The following LYZL1 variants were observed in gnomAD, a reference collection of about 807,000 sequenced individuals.
LYZL1 encodes lysozyme-like protein 1.
A neutral mutation model predicts 17.9 loss-of-function variants in LYZL1; 16 were observed. The observed-to-expected ratio is 0.90, with a 90% confidence interval of 0.61 to 1.36. The LOEUF (loss-of-function observed/expected upper bound fraction) is 1.36. Among genes scored for constraint, LYZL1 ranks in the 40% most tolerant of loss-of-function variants. The pLI is 0.00. For missense variants in LYZL1, 149 were observed against 188.4 expected, an observed-to-expected ratio of 0.79 and a Z score of 1.22; for synonymous variants, 58 against 71.8, an observed-to-expected ratio of 0.81 and a Z score of 0.97.
At chr10:29,291,219 C>A (rs1835360766) in intron 1 of LYZL1, among the ~76,000 whole-genome samples, 1 of 152,182 alleles carries the variant, frequency 6.6e-6, no homozygotes, top group African/African-American at 2.4e-5. Flanking sequence ...TCTATGTCTT[C>A]TGTACTGGAT....
Position 29,311,177 on chromosome 10 carries a change from G to A in LYZL1, c.*118G>A, listed in dbSNP as rs1253683707. On this transcript the variant is annotated 3_prime_UTR_variant, in exon 5 of 5. Transcript: ENST00000649382. ...ATATTCCTTCTCAAACTTGGAGAGGGAAAATTAAGCTATACTTTTAAGAAA... is the reference window on the plus strand; with the variant it reads ...ATATTCCTTCTCAAACTTGGAGAGGAAAAATTAAGCTATACTTTTAAGAAA... The A allele has an allele frequency of 7.5e-6, 12 of 1,601,710 alleles. No homozygotes were observed. In the East Asian group the frequency reaches 8.9e-5, roughly 12 times the overall value.
intron 3 of LYZL1, among the ~76,000 whole-genome samples, chr10:29,300,207 T>C (rs1267552082): frequency 1.3e-5 from 2 of 151,486 alleles, no homozygotes; most frequent in African/African-American, 4.9e-5. Flanking sequence ...ATGCCATCTA[T>C]TCTTGGTTCC....
chr10:29,311,960 A>G (rs11007521), downstream of LYZL1, among the ~76,000 whole-genome samples: 47,474 of 151,502 alleles, frequency 0.31, 8,824 homozygotes, highest in East Asian at 0.58. Context: ...CTCTGTCAAG[A>G]AAGGGAAGGG....
At position 29,310,134 on chromosome 10, in the gene LYZL1, A is replaced by T. The variant is rs1835650829; in HGVS notation, c.323A>T (p.Asp108Val). The change falls in exon 4 of 5, where the codon GAT (aspartate) becomes GTT (valine). Residue 108 changes from aspartate (D) to valine (V), a missense_variant. Around this residue, in one of 2 missense-constraint regions of LYZL1, gnomAD observed 130 missense variants for 132.5 expected, o/e 0.98. Coordinates refer to ENST00000649382, the MANE Select transcript of LYZL1 (RefSeq NM_032517.6). The part of the protein sequence containing the change: ...CSALITDDLT[D>V]AIICARKIVK... ...GCCTTGATCACTGATGACCTCACAG[A>T]TGCAATTATCTGTGCCAGGAAAATT... is the stretch of plus-strand genomic sequence containing the variant. The T allele has an allele frequency of 6.2e-7, 1 of 1,612,358 alleles. No individual in the cohort carries two copies. The highest frequency in any genetic ancestry group is 8.5e-7 in the Non-Finnish European group (1 of 1,178,448).
chr10:29,310,183 C>G lies in LYZL1; in HGVS notation c.372C>G (p.Asn124Lys), dbSNP rs368386775. The change falls in exon 4 of 5, where the codon AAC becomes AAG. Residue 124 changes from asparagine (N) to lysine (K), a missense_variant. Asn to Lys is a moderately conservative substitution (Grantham distance 94, BLOSUM62 0). Transcript: ENST00000649382. ...RKIVKETQGM[N>K]YWQGWKKHCE... ...TTGTTAAAGAGACACAAGGAATGAA[C>G]TATTGGTAAGAGTGTTTTCTTGGGA... is the stretch of plus-strand genomic sequence containing the variant. 49 of 1,603,928 alleles carry G rather than the reference C, an allele frequency of 3.1e-5. No homozygotes were observed. Among genetic ancestry groups the G allele is most frequent in the Non-Finnish European group, 4.2e-5 (49 of 1,171,046 alleles).
chr10:29,302,684 A>T (rs1291320487), intron 3 of LYZL1, among the ~76,000 whole-genome samples: 3 of 152,150 alleles, frequency 2.0e-5, no homozygotes, highest in Non-Finnish European at 4.4e-5. Context: ...CCTTCTGGAG[A>T]CAGCTTTGTT....
chr10:29,297,240 T>C (rs1436075704), intron 3 of LYZL1, among the ~76,000 whole-genome samples: 2 of 151,290 alleles, frequency 1.3e-5, no homozygotes, highest in East Asian at 1.9e-4. Context: ...AAAAAAGAGA[T>C]GAGTGAAAAA....
intron 4 of LYZL1, 82 bp downstream of exon 4, chr10:29,310,270 C>A: frequency 1.8e-6 from 2 of 1,081,226 alleles, no homozygotes; most frequent in Non-Finnish European, 1.4e-6. Flanking sequence ...GTGGAATTGA[C>A]AAACTCACCT....
intron 3 of LYZL1, among the ~76,000 whole-genome samples, chr10:29,302,122 C>T (rs79862109): frequency 1.8e-3 from 277 of 152,234 alleles, no homozygotes; most frequent in African/African-American, 6.2e-3. Context: ...CTGGGTCTTG[C>T]CCTTGACTGA....
downstream of LYZL1, among the ~76,000 whole-genome samples, chr10:29,312,301 A>C (rs529661043): frequency 4.0e-4 from 61 of 152,236 alleles, no homozygotes; most frequent in Admixed American, 1.2e-3. Context: ...CCCATGGCCT[A>C]TGAGCTGCAT....
chr10:29,302,411 GC>G (rs1252551757), intron 3 of LYZL1, among the ~76,000 whole-genome samples: 1 of 143,758 alleles, frequency 7.0e-6, no homozygotes, highest in Admixed American at 7.3e-5. Flanking sequence ...GACATCAAAG[GC>G]CGGCACGAGG....
chr10:29,290,531 C>T (rs1835348383), intron 1 of LYZL1, among the ~76,000 whole-genome samples: 1 of 152,136 alleles, frequency 6.6e-6, no homozygotes, highest in Non-Finnish European at 1.5e-5. Flanking sequence ...AATGCATTTG[C>T]AATCTAAGAT....
In LYZL1 at chr10:29,302,774, A is replaced by T. The variant is rs187815226; in HGVS notation, c.299-7336A>T. On this transcript the variant is annotated intron_variant, in intron 3 of 4. Coordinates refer to ENST00000649382, the MANE Select transcript of LYZL1 (RefSeq NM_032517.6). ...TCACCATAGTTGCCGTACCCCGCGG[A>T]CACAGTTGCTTCCTTGCCTACCTAT... is the stretch of plus-strand genomic sequence containing the variant. Among the ~76,000 whole-genome samples, 240 of 152,274 alleles carry T rather than the reference A, an allele frequency of 1.6e-3. 3 individuals are homozygous for T. The highest frequency in any genetic ancestry group is 0.01 in the Middle Eastern group (3 of 294).
downstream of LYZL1, among the ~76,000 whole-genome samples, chr10:29,312,438 T>A (rs1013066519): frequency 1.3e-5 from 2 of 152,136 alleles, no homozygotes; most frequent in Non-Finnish European, 2.9e-5. Context: ...ATTTTATGTG[T>A]GGCCCAAGAC....
chr10:29,308,288 C>T (rs1442527229), intron 3 of LYZL1, among the ~76,000 whole-genome samples: 6 of 152,188 alleles, frequency 3.9e-5, no homozygotes, highest in Non-Finnish European at 7.3e-5. Context: ...CAGAGGCATG[C>T]GGACCTGGCA....
chr10:29,291,983 A>C lies in LYZL1; in HGVS notation c.116A>C (p.Tyr39Ser), dbSNP rs1296231661. ...TTCTCGAGGGCTGGCCTGGACAATT[A>C]CTGGGGCTTCAGCCTTGGAAACTGT... ...KIFSRAGLDNYWGFSLGNWIC... is the reference protein window; with the variant it reads ...KIFSRAGLDNSWGFSLGNWIC... Residue 39 changes from tyrosine (Y) to serine (S), a missense_variant, in exon 2 of 5, where the codon TAC (tyrosine) becomes TCC (serine). Coordinates refer to ENST00000649382, the MANE Select transcript of LYZL1 (RefSeq NM_032517.6). 9.2e-6 allele frequency: 14 copies of C among 1,523,844 alleles called. No individual in the cohort carries two copies. The highest frequency in any genetic ancestry group is 5.6e-5 in the Admixed American group (3 of 53,712). The allele number at this position is 1,523,844 out of a possible 1,614,324, so 94.4% of individuals were successfully genotyped here.
At chr10:29,317,946 TAA>T (rs397801860) in intron 4 of LYZL1, among the ~76,000 whole-genome samples, 17 of 143,376 alleles carry the variant, frequency 1.2e-4, no homozygotes, top group Middle Eastern at 3.6e-3. Flanking sequence ...CCTGTCTCTT[TAA>T]AAAAAAAAAA....
intron 3 of LYZL1, among the ~76,000 whole-genome samples, chr10:29,298,890 C>T (rs1835480701): frequency 6.6e-6 from 1 of 152,118 alleles, no homozygotes; most frequent in Non-Finnish European, 1.5e-5. Flanking sequence ...AAGCGCATTA[C>T]ACTTATTGTC....
intron 3 of LYZL1, among the ~76,000 whole-genome samples, chr10:29,294,504 T>C (rs2132817367): frequency 6.6e-6 from 1 of 152,290 alleles, no homozygotes; most frequent in African/African-American, 2.4e-5. Flanking sequence ...AAAGGCATTT[T>C]CTCTGTGCTG....
Sources: allele counts gnomAD v4.1 joint callset (sites outside exome capture counted in the v4.1 genomes callset), GRCh38; gene constraint gnomAD v4.1.1; regional missense constraint gnomAD v4.1.1; transcripts MANE v1.5; gene names NCBI Gene and HGNC (gene_info 2026-07-23, HGNC 2026-07-21).